Variants in IKZF3 observed in about 807,000 individuals in gnomAD.
IKZF3 encodes zinc finger protein Aiolos.
Under a neutral mutation model 49.0 loss-of-function variants are expected in IKZF3, and 10 were observed. The ratio of observed to expected loss-of-function variants is 0.20; its 90% CI spans 0.13 to 0.35. The LOEUF (loss-of-function observed/expected upper bound fraction) is 0.35, where lower values mean the gene tolerates loss of function less well. Ranked by LOEUF, IKZF3 falls within the 10% of genes least tolerant of loss-of-function variation. IKZF3 has a pLI of 1.00. For synonymous variants in IKZF3, 209 were observed against 228.2 expected (o/e 0.92, Z 0.76); for missense variants, 498 against 664.8 (o/e 0.75, Z 2.76).
intron 3 of IKZF3, among the ~76,000 whole-genome samples, chr17:39,809,835 T>C (rs2061510579): frequency 6.6e-6 from 1 of 152,202 alleles, no homozygotes; most frequent in South Asian, 2.1e-4. Context: ...GGAGATTGAA[T>C]CTTTCATTAT....
At chr17:39,826,785 G>A (rs1024977282) in intron 3 of IKZF3, among the ~76,000 whole-genome samples, 1 of 152,218 alleles carries the variant, frequency 6.6e-6, no homozygotes, top group Admixed American at 6.5e-5. Context: ...GGATGCTACA[G>A]CCACTGCAGA....
At chr17:39,836,682 T>A (rs935012871) in intron 1 of IKZF3, among the ~76,000 whole-genome samples, 5 of 152,180 alleles carry the variant, frequency 3.3e-5, no homozygotes, top group African/African-American at 2.4e-5. Flanking sequence ...ATAAAATATA[T>A]CTTTAATTTT....
intron 1 of IKZF3, among the ~76,000 whole-genome samples, chr17:39,854,359 A>G (rs2062977362): frequency 6.6e-6 from 1 of 152,116 alleles, no homozygotes; most frequent in African/African-American, 2.4e-5. Context: ...AAACAAGGAA[A>G]TAAAGCCATG....
rs572809626 is a variant in IKZF3 at position 39,846,463 on chromosome 17, G to A, written c.8-14312C>T. 6.1e-5 allele frequency among the ~76,000 whole-genome samples: 9 copies of A among 146,632 alleles called. No homozygotes were observed. The South Asian group carries it at 2.0e-3, about 32-fold the overall frequency. Reference sequence around the variant, plus strand: ...ATGACACTATATAAATTTTCTCACCGGTTAGTTTTTTTAAGATACCAAGGT... The same window carrying A: ...ATGACACTATATAAATTTTCTCACCAGTTAGTTTTTTTAAGATACCAAGGT... On this transcript the variant is annotated intron_variant, in intron 1 of 7. Transcript: ENST00000346872.
At chr17:39,768,432 CAAG>C (rs1461038585) in intron 7 of IKZF3, among the ~76,000 whole-genome samples, 1 of 152,156 alleles carries the variant, frequency 6.6e-6, no homozygotes, top group African/African-American at 2.4e-5. Flanking sequence ...GAAACGCGAT[CAAG>C]AAGTATGAAA....
chr17:39,832,767 CAT>C (rs1167913543), intron 1 of IKZF3, among the ~76,000 whole-genome samples: 1 of 151,946 alleles, frequency 6.6e-6, no homozygotes, highest in Non-Finnish European at 1.5e-5. Flanking sequence ...ATGGGTAAAA[CAT>C]ATAGTTACAT....
At chr17:39,862,022 T>C (rs1489964942) in intron 1 of IKZF3, among the ~76,000 whole-genome samples, 1 of 152,176 alleles carries the variant, frequency 6.6e-6, no homozygotes, top group Non-Finnish European at 1.5e-5. Flanking sequence ...TTCCCGACCA[T>C]AACAGACAGA....
At chr17:39,808,417 C>T (rs1038902476) in intron 3 of IKZF3, among the ~76,000 whole-genome samples, 5 of 152,152 alleles carry the variant, frequency 3.3e-5, no homozygotes, top group Non-Finnish European at 5.9e-5. Context: ...CGATTTCAGA[C>T]AAATACCTAA....
chr17:39,773,147 G>A (rs927782924), intron 7 of IKZF3, among the ~76,000 whole-genome samples: 4 of 152,128 alleles, frequency 2.6e-5, no homozygotes, highest in Non-Finnish European at 4.4e-5. Flanking sequence ...CAGACTCCTT[G>A]CTGTCCAAAG....
At chr17:39,799,372 T>G (rs1047938716) in intron 3 of IKZF3, among the ~76,000 whole-genome samples, 1 of 152,180 alleles carries the variant, frequency 6.6e-6, no homozygotes, top group Admixed American at 6.5e-5. Flanking sequence ...AAACTCTTAT[T>G]TAAAACTTTC....
At chr17:39,771,802 T>C (rs1158443901) in intron 7 of IKZF3, among the ~76,000 whole-genome samples, 1 of 152,130 alleles carries the variant, frequency 6.6e-6, no homozygotes, top group East Asian at 1.9e-4. Flanking sequence ...TGCAGTGGCG[T>C]GATCACAGCT....
At chr17:39,802,672 G>T (rs1351762262) in intron 3 of IKZF3, among the ~76,000 whole-genome samples, 1 of 150,558 alleles carries the variant, frequency 6.6e-6, no homozygotes, top group African/African-American at 2.4e-5. Context: ...GAATACCTGG[G>T]AATAGCTGGG....
chr17:39,825,709 C>T (rs1345763066), intron 3 of IKZF3, among the ~76,000 whole-genome samples: 1 of 152,040 alleles, frequency 6.6e-6, no homozygotes, highest in Non-Finnish European at 1.5e-5. Context: ...AAATTATTAG[C>T]CTGCTATTGA....
intron 3 of IKZF3, among the ~76,000 whole-genome samples, chr17:39,826,889 A>G (rs35130019): frequency 0.093 from 14,205 of 152,278 alleles, 1,339 homozygotes; most frequent in African/African-American, 0.25. Context: ...GACAGTTACT[A>G]TAGGTGACTA....
chr17:39,758,975 C>A lies in IKZF3; in HGVS notation c.*6815G>T, dbSNP rs1010229335. The A allele has an allele frequency of 6.6e-6, 1 of 151,044 alleles. No homozygotes were observed. The highest frequency in any genetic ancestry group is 2.4e-5 in the African/African-American group (1 of 40,930). The allele number at this position is 151,044 out of a possible 1,614,324, so 9.4% of individuals were successfully genotyped here. A position where few individuals can be genotyped will look rare whatever the true frequency, so the allele number is the denominator to read the frequency against. The stretch of plus-strand genomic sequence containing the variant: ...CTCAAAGGTAACATTAGCTCATATA[C>A]AAAATCATGGAAAACCTCACAACAT... On this transcript the variant is annotated 3_prime_UTR_variant, in exon 8 of 8. Transcript: ENST00000346872.
chr17:39,758,364 G>A lies in IKZF3; in HGVS notation c.*7426C>T, dbSNP rs1224101674. ...CAAAAAGGGCCTTGTCTGCTAGCCTGGAGTATACATGAGTCACTGGCGGTG... is the reference window on the plus strand; with the variant it reads ...CAAAAAGGGCCTTGTCTGCTAGCCTAGAGTATACATGAGTCACTGGCGGTG... On this transcript the variant is annotated 3_prime_UTR_variant, in exon 8 of 8. Transcript: ENST00000346872. 1 of 152,168 alleles carries A rather than the reference G, an allele frequency of 6.6e-6. No individual in the cohort carries two copies. Among genetic ancestry groups the A allele is most frequent in the Non-Finnish European group, 1.5e-5 (1 of 68,032 alleles). The allele number at this position is 152,168 out of a possible 1,614,324, so 9.4% of individuals were successfully genotyped here. A position where few individuals can be genotyped will look rare whatever the true frequency, so the allele number is the denominator to read the frequency against.
intron 3 of IKZF3, among the ~76,000 whole-genome samples, chr17:39,824,013 T>C (rs2061887985): frequency 6.6e-6 from 1 of 152,100 alleles, no homozygotes; most frequent in Non-Finnish European, 1.5e-5. Context: ...GTAGATCCAT[T>C]GACAGCTTGT....
At chr17:39,850,935 AC>A (rs1012966496) in intron 1 of IKZF3, among the ~76,000 whole-genome samples, 1 of 133,880 alleles carries the variant, frequency 7.5e-6, no homozygotes, top group Non-Finnish European at 1.5e-5. Context: ...TATTATATAT[AC>A]GTGTATATAT....
intron 1 of IKZF3, among the ~76,000 whole-genome samples, chr17:39,859,474 G>A (rs533936969): frequency 3.2e-4 from 49 of 151,026 alleles, no homozygotes; most frequent in Admixed American, 5.9e-4. Context: ...CGGTAGCCTC[G>A]ACCTCCCAGG....
Sources: gnomAD v4.1 joint callset for allele counts (sites outside exome capture counted in the v4.1 genomes callset) on GRCh38, gnomAD v4.1.1 for gene constraint, MANE v1.5 for transcripts, NCBI Gene and HGNC (gene_info 2026-07-23, HGNC 2026-07-21) for gene names.